Variants in SYT1 observed in about 807,000 individuals in gnomAD.
SYT1 encodes synaptotagmin-1.
Under a neutral mutation model 44.8 loss-of-function variants are expected in SYT1, and 8 were observed. The ratio of observed to expected loss-of-function variants is 0.18; its 90% CI spans 0.10 to 0.32. SYT1 has a LOEUF of 0.32. SYT1 is among the 10% of genes least tolerant of loss of function. SYT1 has a pLI of 1.00. For synonymous variants in SYT1, 154 were observed against 188.8 expected (o/e 0.82, Z 1.51); for missense variants, 286 against 509.3 (o/e 0.56, Z 4.22).
chr12:79,365,412 A>G (rs1354669797), intron 9 of SYT1, among the ~76,000 whole-genome samples: 1 of 152,098 alleles, frequency 6.6e-6, no homozygotes, highest in Non-Finnish European at 1.5e-5. Context: ...AAGACTTCAA[A>G]TGAGACCTAA....
intron 4 of SYT1, among the ~76,000 whole-genome samples, chr12:79,275,404 G>A (rs1464721174): frequency 6.6e-6 from 1 of 152,100 alleles, no homozygotes; most frequent in African/African-American, 2.4e-5. Flanking sequence ...TGGAACATTT[G>A]GGGGTGACTG....
chr12:79,179,052 A>G (rs1188419029), intron 3 of SYT1, among the ~76,000 whole-genome samples: 1 of 88,466 alleles, frequency 1.1e-5, no homozygotes, highest in African/African-American at 4.6e-5. Context: ...ATATAGATAT[A>G]TAGATATAGA....
At chr12:78,930,915 T>C (rs11111924) in intron 1 of SYT1, among the ~76,000 whole-genome samples, 13,995 of 151,734 alleles carry the variant, frequency 0.092, 959 homozygotes, top group East Asian at 0.32. Context: ...GGAAATAATG[T>C]GTTGCTATAC....
At chr12:79,107,081 G>T (rs1314823077) in intron 3 of SYT1, among the ~76,000 whole-genome samples, 1 of 151,564 alleles carries the variant, frequency 6.6e-6, no homozygotes, top group Non-Finnish European at 1.5e-5. Context: ...ACTTATGTAA[G>T]GTATTTAATT....
chr12:79,358,942 A>G (rs894164734), intron 9 of SYT1, among the ~76,000 whole-genome samples: 10 of 152,140 alleles, frequency 6.6e-5, no homozygotes, highest in Non-Finnish European at 1.2e-4. Flanking sequence ...TCTCAGAACC[A>G]CAAATTGATT....
intron 3 of SYT1, among the ~76,000 whole-genome samples, chr12:79,216,276 T>C (rs144520060): frequency 8.1e-4 from 124 of 152,314 alleles, no homozygotes; most frequent in African/African-American, 2.7e-3. Flanking sequence ...TATCTCCACG[T>C]CTTTGCAAAT....
chr12:79,403,058 A>G (rs1041699913), intron 9 of SYT1, among the ~76,000 whole-genome samples: 1 of 152,248 alleles, frequency 6.6e-6, no homozygotes, highest in Non-Finnish European at 1.5e-5. Flanking sequence ...ATACATCTGA[A>G]TAAATGATAA....
intron 3 of SYT1, among the ~76,000 whole-genome samples, chr12:79,179,183 GATATAGATATAGAT>G: frequency 3.1e-5 from 1 of 32,598 alleles, no homozygotes; most frequent in South Asian, 1.2e-3. Context: ...TAGATATATA[GATATAGATATAGAT>G]ATATAGATAT....
At chr12:79,128,818 T>C (rs750946575) in intron 3 of SYT1, among the ~76,000 whole-genome samples, 5 of 152,184 alleles carry the variant, frequency 3.3e-5, no homozygotes, top group Non-Finnish European at 7.3e-5. Flanking sequence ...TTATCATACT[T>C]ACCTTACTAA....
rs371346765 is a variant in SYT1, at chr12:79,321,865, A to G, written c.810+22314A>G. 1.9e-3 allele frequency among the ~76,000 whole-genome samples: 285 copies of G among 152,318 alleles called. 12 individuals carry two copies. The South Asian group carries it at 0.057, about 30-fold the overall frequency. ...GAACAGAAACCAGTTCATCATGTGT[A>G]ATTTCTATAGGAAGATAATGCTTCA... On this transcript the variant is annotated intron_variant, in intron 8 of 10. Coordinates refer to ENST00000261205, the MANE Select transcript of SYT1 (RefSeq NM_005639.3).
At chr12:79,269,695 TAC>T (rs113612431) in intron 4 of SYT1, among the ~76,000 whole-genome samples, 19 of 149,850 alleles carry the variant, frequency 1.3e-4, no homozygotes, top group East Asian at 3.9e-4. Context: ...TATGAAAAAG[TAC>T]ACACACACAC....
chr12:79,249,087 T>TA (rs1877025317), intron 4 of SYT1, among the ~76,000 whole-genome samples: 1 of 128,490 alleles, frequency 7.8e-6, no homozygotes, highest in South Asian at 2.4e-4. Flanking sequence ...TTTACCTCTT[T>TA]CTTTTTTTTT....
At chr12:79,124,857 G>A (rs1425177604) in intron 3 of SYT1, among the ~76,000 whole-genome samples, 2 of 151,788 alleles carry the variant, frequency 1.3e-5, no homozygotes, top group Non-Finnish European at 2.9e-5. Flanking sequence ...AAAAAGTCAA[G>A]TATGGACTAA....
At chr12:79,089,307 T>A (rs1462603007) in intron 3 of SYT1, among the ~76,000 whole-genome samples, 1 of 151,994 alleles carries the variant, frequency 6.6e-6, no homozygotes, top group Non-Finnish European at 1.5e-5. Context: ...ACAGTTAAAA[T>A]TTTCAAAACA....
intron 2 of SYT1, among the ~76,000 whole-genome samples, chr12:79,003,991 A>C (rs1006520015): frequency 2.0e-5 from 3 of 152,092 alleles, no homozygotes; most frequent in African/African-American, 7.2e-5. Flanking sequence ...CTTCGTCTTT[A>C]GAGTAACTGT....
rs1565894576 is a variant in SYT1, at chr12:79,293,385, TAAAATAAAATAAAATAAAATA to T, written c.474+1259_474+1279del. 4.5e-4 allele frequency among the ~76,000 whole-genome samples: 36 copies of T among 79,150 alleles called. 1 individual carries two copies. Among genetic ancestry groups the T allele is most frequent in the Non-Finnish European group, 7.8e-4 (28 of 35,822 alleles). The allele number at this position is 79,150 out of a possible 152,430, so 51.9% of individuals were successfully genotyped here. On this transcript the variant is annotated intron_variant, in intron 6 of 10. Coordinates refer to ENST00000261205, the MANE Select transcript of SYT1 (RefSeq NM_005639.3). ...TAAAATAAAATAAAATAAAATAAAA[TAAAATAAAATAAAATAAAATA>T]AAATTAAAAAATCTGTAAGACATAG...
intron 3 of SYT1, among the ~76,000 whole-genome samples, chr12:79,066,463 C>T (rs1875861526): frequency 6.7e-6 from 1 of 148,776 alleles, no homozygotes; most frequent in Non-Finnish European, 1.5e-5. Context: ...CATTAAGCAT[C>T]ACATCTCTTG....
intron 3 of SYT1, among the ~76,000 whole-genome samples, chr12:79,053,857 A>G (rs1874727410): frequency 6.6e-6 from 1 of 151,916 alleles, no homozygotes; most frequent in Non-Finnish European, 1.5e-5. Flanking sequence ...TTTTTGCTTT[A>G]GGCAATAATG....
intron 8 of SYT1, among the ~76,000 whole-genome samples, chr12:79,322,603 A>G (rs1042761141): frequency 6.6e-6 from 1 of 152,072 alleles, no homozygotes; most frequent in Non-Finnish European, 1.5e-5. Flanking sequence ...CCAGCCCCGT[A>G]TTTCTGAACC....
Sources: gnomAD v4.1 joint callset for allele counts (sites outside exome capture counted in the v4.1 genomes callset) on GRCh38, gnomAD v4.1.1 for gene constraint, MANE v1.5 for transcripts, NCBI Gene and HGNC (gene_info 2026-07-23, HGNC 2026-07-21) for gene names.